The following GTF2A1 variants were observed in gnomAD, a reference collection of about 807,000 sequenced individuals.
GTF2A1 encodes the protein general transcription factor IIA subunit 1.
A neutral mutation model predicts 54.1 loss-of-function variants in GTF2A1; 12 were observed. That is an observed-to-expected ratio of 0.22 (90% CI 0.14 to 0.36). GTF2A1 has a LOEUF of 0.36. Ranked by LOEUF, GTF2A1 falls within the 10% of genes least tolerant of loss-of-function variation. GTF2A1 has a pLI of 1.00. For synonymous variants in GTF2A1, 145 were observed against 152.0 expected (o/e 0.95, Z 0.34); for missense variants, 335 against 442.2 (o/e 0.76, Z 2.17).
At chr14:81,186,476 AAGT>A (rs1385363499) in intron 7 of GTF2A1, among the ~76,000 whole-genome samples, 3 of 152,220 alleles carry the variant, frequency 2.0e-5, no homozygotes, top group African/African-American at 7.2e-5. Context: ...TAAAGGCAGA[AAGT>A]AGGAAATCTC....
At chr14:81,214,632 C>T (rs1893447032) in intron 2 of GTF2A1, among the ~76,000 whole-genome samples, 1 of 148,176 alleles carries the variant, frequency 6.7e-6, no homozygotes, top group African/African-American at 2.5e-5. Context: ...GGTGACAGAG[C>T]GAAACTCCGT....
At chr14:81,182,623 T>A (rs1246924006) in intron 8 of GTF2A1, among the ~76,000 whole-genome samples, 3 of 152,180 alleles carry the variant, frequency 2.0e-5, no homozygotes, top group Middle Eastern at 3.2e-3. Context: ...CTAAATAGTC[T>A]CGTTTCAGCA....
Position 81,192,678 on chromosome 14 carries a change from C to T in GTF2A1, c.774G>A (p.Pro258=), listed in dbSNP as rs568032597. The part of the protein sequence containing the change: ...AQITATGQQQ[P]QAQPAQTQAP... ...CTTGTGTTTGAGCAGGCTGGGCCTG[C>T]GGTTGCTGCTGGCCAGTTGCAGTTA... is the stretch of plus-strand genomic sequence containing the variant. Residue 258 remains proline (P), a synonymous_variant, in exon 7 of 9, where the codon CCG becomes CCA. Coordinates refer to ENST00000553612, the MANE Select transcript of GTF2A1 (RefSeq NM_015859.4). 3.1e-6 allele frequency: 5 copies of T among 1,614,140 alleles called. No homozygotes were observed. Among genetic ancestry groups the T allele is most frequent in the South Asian group, 2.2e-5 (2 of 91,088 alleles).
chr14:81,216,330 G>A lies in GTF2A1; in HGVS notation c.132+83C>T, dbSNP rs780538720. 22 of 684,152 alleles carry A rather than the reference G, an allele frequency of 3.2e-5. No homozygotes were observed. In the Admixed American group the frequency reaches 3.5e-4, roughly 11 times the overall value. The allele number at this position is 684,152 out of a possible 1,614,324, so 42.4% of individuals were successfully genotyped here. ...CACTCAACTATACGTTCATCCTATA[G>A]AAAAATTACAGATTCATCTCCGGCT... On this transcript the variant is annotated intron_variant, in intron 2 of 8. Coordinates refer to ENST00000553612, the MANE Select transcript of GTF2A1 (RefSeq NM_015859.4).
chr14:81,216,384 G>A, intron 2 of GTF2A1, 29 bp downstream of exon 2: 1 of 917,034 alleles, frequency 1.1e-6, no homozygotes, highest in Non-Finnish European at 1.8e-6. Context: ...GGGAAAAGTA[G>A]GAATATTTTA....
chr14:81,218,271 G>A (rs1484223114), intron 1 of GTF2A1, among the ~76,000 whole-genome samples: 1 of 152,148 alleles, frequency 6.6e-6, no homozygotes, highest in Non-Finnish European at 1.5e-5. Context: ...CCAGACATGT[G>A]TAGGTATAAA....
At chr14:81,196,271 T>C (rs1293276445) in intron 5 of GTF2A1, 30 bp from the exon 6 acceptor site, 2 of 1,613,118 alleles carry the variant, frequency 1.2e-6, no homozygotes, top group South Asian at 1.1e-5. Context: ...TTCCGAGTTA[T>C]CATTTTAGCA....
rs757044041 is a variant in GTF2A1 at position 81,211,875 on chromosome 14, T to TTATATATATATATA, written c.132+4524_132+4537dup. ...ACATAATTAGAGTGTATCAAGTACT[T>TTATATATATATATA]TATATATATATATATATATATATAT... is the stretch of plus-strand genomic sequence containing the variant. On this transcript the variant is annotated intron_variant, in intron 2 of 8. Coordinates refer to ENST00000553612, the MANE Select transcript of GTF2A1 (RefSeq NM_015859.4). Among the ~76,000 whole-genome samples, 228 of 68,384 alleles carry TTATATATATATATA rather than the reference T, an allele frequency of 3.3e-3. 5 individuals are homozygous for TTATATATATATATA. Among genetic ancestry groups the TTATATATATATATA allele is most frequent in the African/African-American group, 8.7e-3 (171 of 19,758 alleles). 44.9% of individuals were successfully genotyped at this position (68,384 alleles called of 152,430 possible).
chr14:81,199,913 A>C (rs1893067014), intron 4 of GTF2A1, among the ~76,000 whole-genome samples: 1 of 151,962 alleles, frequency 6.6e-6, no homozygotes, highest in Admixed American at 6.6e-5. Flanking sequence ...AGTCTTAATA[A>C]CATCAACTAC....
At chr14:81,207,273 T>C (rs1483082738) in intron 2 of GTF2A1, among the ~76,000 whole-genome samples, 1 of 152,050 alleles carries the variant, frequency 6.6e-6, no homozygotes, top group Non-Finnish European at 1.5e-5. Context: ...GGAAGGGACA[T>C]GTAATTGAAC....
Position 81,192,618 on chromosome 14 carries a change from A to G in GTF2A1, c.834T>C (p.Asp278=), listed in dbSNP as rs1892900476. 1 of 1,612,374 alleles carries G rather than the reference A, an allele frequency of 6.2e-7. No homozygotes were observed. The highest frequency in any genetic ancestry group is 1.1e-5 in the South Asian group (1 of 91,062). The change falls in exon 7 of 9, where the codon GAT becomes GAC. Residue 278 remains aspartate (D), a synonymous_variant. Coordinates refer to ENST00000553612, the MANE Select transcript of GTF2A1 (RefSeq NM_015859.4). ...PLVLQVDGTG[D]TSSEEDEDEE... is the part of the protein sequence containing the mutation. Reference sequence around the variant, plus strand: ...CATCTTCATCTTCTTCAGATGATGTATCCCCAGTTCCATCAACTTGTAAGA... The same window carrying G: ...CATCTTCATCTTCTTCAGATGATGTGTCCCCAGTTCCATCAACTTGTAAGA...
intron 8 of GTF2A1, among the ~76,000 whole-genome samples, chr14:81,184,226 A>C (rs575474007): frequency 6.6e-6 from 1 of 152,316 alleles, no homozygotes; most frequent in Admixed American, 6.5e-5. Flanking sequence ...CAGTCAGGCT[A>C]AAACAAAGGT....
At chr14:81,209,749 C>A in intron 2 of GTF2A1, 12 of 374,698 alleles carry the variant, frequency 3.2e-5, no homozygotes, top group South Asian at 2.5e-4. Context: ...CTATTCCTTA[C>A]GATCAGCAGT....
chr14:81,187,651 T>C (rs2140149796), intron 7 of GTF2A1, among the ~76,000 whole-genome samples: 1 of 152,334 alleles, frequency 6.6e-6, no homozygotes, highest in East Asian at 1.9e-4. Flanking sequence ...ACATAGCATG[T>C]TTTCAAGGTT....
At position 81,220,606 on chromosome 14, in the gene GTF2A1, G is replaced by C. The variant is rs1307942400; in HGVS notation, c.-88C>G. The C allele has an allele frequency of 8.5e-4, 938 of 1,103,282 alleles. 4 individuals carry two copies. The highest frequency in any genetic ancestry group is 1.1e-3 in the Non-Finnish European group (891 of 779,594). The allele number at this position is 1,103,282 out of a possible 1,614,324, so 68.3% of individuals were successfully genotyped here. A position where few individuals can be genotyped will look rare whatever the true frequency, so the allele number is the denominator to read the frequency against. ...AAAAAAAAAAACTATAACACCCGGA[G>C]GGTGACCCAAATCACCGCAAGATTG... On this transcript the variant is annotated 5_prime_UTR_variant, in exon 1 of 9. Transcript: ENST00000553612.
intron 2 of GTF2A1, among the ~76,000 whole-genome samples, chr14:81,211,216 A>C (rs1893356936): frequency 6.6e-6 from 1 of 152,152 alleles, no homozygotes; most frequent in Non-Finnish European, 1.5e-5. Context: ...TAGAGAGTGA[A>C]TGTCTCTGCA....
At position 81,220,775 on chromosome 14, in the gene GTF2A1, G is replaced by A; in HGVS notation, c.-257C>T. ...AAAGCCACGACCCTTCAGGGGTCCG[G>A]GGGGCGTTGCCCGCTCCCCACCCCG... On this transcript the variant is annotated 5_prime_UTR_variant, in exon 1 of 9. Transcript: ENST00000553612. 2.7e-6 allele frequency: 1 copy of A among 367,334 alleles called. No individual in the cohort carries two copies. The highest frequency in any genetic ancestry group is 4.0e-5 in the East Asian group (1 of 25,194). The allele number at this position is 367,334 out of a possible 1,614,324, so 22.8% of individuals were successfully genotyped here. A position where few individuals can be genotyped will look rare whatever the true frequency, so the allele number is the denominator to read the frequency against.
rs1468551738 is a variant in GTF2A1 at position 81,220,536 on chromosome 14, A to C, written c.-18T>G. 1 of 1,562,954 alleles carries C rather than the reference A, an allele frequency of 6.4e-7. No homozygotes were observed. The highest frequency in any genetic ancestry group is 8.7e-7 in the Non-Finnish European group (1 of 1,151,806). Reference sequence around the variant, plus strand: ...TTCGCCATTTCCACACACAACACAAACAAGAGGGGGCAACCCCAAGAAAAC... The same window carrying C: ...TTCGCCATTTCCACACACAACACAACCAAGAGGGGGCAACCCCAAGAAAAC... On this transcript the variant is annotated 5_prime_UTR_variant, in exon 1 of 9. Coordinates refer to ENST00000553612, the MANE Select transcript of GTF2A1 (RefSeq NM_015859.4).
In GTF2A1 at chr14:81,201,633, T is replaced by C. The variant is rs1237305135; in HGVS notation, c.363A>G (p.Pro121=). 2 of 1,610,604 alleles carry C rather than the reference T, an allele frequency of 1.2e-6. No individual in the cohort carries two copies. Among genetic ancestry groups the C allele is most frequent in the Non-Finnish European group, 1.7e-6 (2 of 1,176,854 alleles). Residue 121 remains proline (P), a synonymous_variant, in exon 4 of 9, where the codon CCA becomes CCG. Transcript: ENST00000553612. ...QQATAPQVIV[P]DSKLIQHMNA... ...TCATATGCTGTATCAACTTAGAATC[T>C]GGAACAATAACTTGTGGTGCTGTGG...
Sources: allele counts gnomAD v4.1 joint callset (sites outside exome capture counted in the v4.1 genomes callset), GRCh38; gene constraint gnomAD v4.1.1; transcripts MANE v1.5; gene names NCBI Gene and HGNC (gene_info 2026-07-23, HGNC 2026-07-21).